The following CRB1 variants were observed in gnomAD, a reference collection of about 807,000 sequenced individuals.
CRB1 encodes the protein crumbs cell polarity complex component 1, also known as protein crumbs homolog 1.
In CRB1, 83 loss-of-function variants were observed where a neutral mutation model predicts 120.0. The observed-to-expected ratio is 0.69, with a 90% confidence interval of 0.58 to 0.83. The LOEUF (loss-of-function observed/expected upper bound fraction) is 0.83, where lower values mean the gene tolerates loss of function less well. CRB1 is among the 40% of genes least tolerant of loss of function. The pLI is 0.00. For synonymous variants in CRB1, 625 were observed against 612.5 expected, an observed-to-expected ratio of 1.02 and a Z score of -0.30; for missense variants, 1,699 against 1,687.6, an observed-to-expected ratio of 1.01 and a Z score of -0.12.
chr1:197,399,296 C>T (rs1482021631), intron 5 of CRB1, among the ~76,000 whole-genome samples: 1 of 152,122 alleles, frequency 6.6e-6, no homozygotes, highest in African/African-American at 2.4e-5. Context: ...GTCATTTTCC[C>T]ACAAAAGATT....
intron 5 of CRB1, among the ~76,000 whole-genome samples, chr1:197,416,706 T>C (rs934286879): frequency 2.6e-5 from 4 of 152,128 alleles, no homozygotes; most frequent in African/African-American, 9.7e-5. Context: ...TTTTTTATTT[T>C]ATTTTATTTA....
At chr1:197,373,624 T>A (rs1240717064) in intron 5 of CRB1, among the ~76,000 whole-genome samples, 1 of 152,170 alleles carries the variant, frequency 6.6e-6, no homozygotes, top group Non-Finnish European at 1.5e-5. Context: ...ACAGCCTTAA[T>A]AAACTGTTTT....
chr1:197,268,605 GTTTTT>G lies in CRB1; in HGVS notation c.70+129_70+133del. On this transcript the variant is annotated intron_variant, in intron 1 of 11. Coordinates refer to ENST00000367400, the MANE Select transcript of CRB1 (RefSeq NM_201253.3). ...ATGCTAAAAAAGGAAGTTTTTATTT[GTTTTT>G]TTTTTAAGTGTCCTGTGTTAAAGAA... The G allele has an allele frequency of 6.0e-6, 4 of 666,104 alleles. No homozygotes were observed. In the South Asian group the frequency reaches 8.0e-5, roughly 13 times the overall value. The allele number at this position is 666,104 out of a possible 1,614,324, so 41.3% of individuals were successfully genotyped here.
At chr1:197,244,579 A>G in the CRB1 span, among the ~76,000 whole-genome samples, 1 of 151,862 alleles carries the variant, frequency 6.6e-6, no homozygotes, top group Non-Finnish European at 1.5e-5. Flanking sequence ...CCTTTCATTG[A>G]TTTCAAGATT....
chr1:197,446,892 T>C (rs1351571831), intron 11 of CRB1, among the ~76,000 whole-genome samples: 1 of 152,206 alleles, frequency 6.6e-6, no homozygotes, highest in African/African-American at 2.4e-5. Context: ...TATTAATCAG[T>C]GTGCATATTC....
intron 1 of CRB1, among the ~76,000 whole-genome samples, chr1:197,312,993 G>C (rs1416273861): frequency 6.6e-6 from 1 of 152,086 alleles, no homozygotes; most frequent in Non-Finnish European, 1.5e-5. Context: ...CCTGAGACTG[G>C]GTAACTTATG....
chr1:197,392,264 T>TAC (rs368565238), intron 5 of CRB1, among the ~76,000 whole-genome samples: 37 of 151,328 alleles, frequency 2.4e-4, no homozygotes, highest in African/African-American at 8.0e-4. Flanking sequence ...CACACACACA[T>TAC]ACACACACAC....
At chr1:197,208,541 G>A in the CRB1 span, among the ~76,000 whole-genome samples, 234 of 152,276 alleles carry the variant, frequency 1.5e-3, 2 homozygotes, top group African/African-American at 4.9e-3. Context: ...AAGTGTCTGC[G>A]CAGAGTCCTG....
At chr1:197,232,545 C>T in the CRB1 span, among the ~76,000 whole-genome samples, 1 of 152,152 alleles carries the variant, frequency 6.6e-6, no homozygotes, top group African/African-American at 2.4e-5. Context: ...AGGCAGCCAA[C>T]ACAGATACTA....
intron 1 of CRB1, among the ~76,000 whole-genome samples, chr1:197,294,366 A>G (rs535621364): frequency 5.3e-5 from 8 of 152,204 alleles, no homozygotes; most frequent in African/African-American, 1.4e-4. Flanking sequence ...CCATAATGAG[A>G]TACCATCTCA....
chr1:197,266,329 A>T (rs1021267331), upstream of CRB1, among the ~76,000 whole-genome samples: 1 of 152,034 alleles, frequency 6.6e-6, no homozygotes, highest in Non-Finnish European at 1.5e-5. Context: ...GGTTCCTTCT[A>T]TGTGTCCTCA....
chr1:197,335,686 G>C (rs1571860007), intron 2 of CRB1, among the ~76,000 whole-genome samples: 1 of 152,078 alleles, frequency 6.6e-6, no homozygotes, highest in East Asian at 1.9e-4. Context: ...TTTTAGTAGA[G>C]ATGGCATTTC....
rs146288091 is a variant in CRB1, at chr1:197,363,058, G to T, written c.1171+6045G>T. ...TGTAATTTTCATAGTGATTGCTCTG[G>T]GTATGACTGATCACAGCCTATTGGT... is the stretch of plus-strand genomic sequence containing the variant. On this transcript the variant is annotated intron_variant, in intron 5 of 11. Coordinates refer to ENST00000367400, the MANE Select transcript of CRB1 (RefSeq NM_201253.3). Among the ~76,000 whole-genome samples, 21 of 150,714 alleles carry T rather than the reference G, an allele frequency of 1.4e-4. No homozygotes were observed. The East Asian group carries it at 4.1e-3, about 29-fold the overall frequency.
chr1:197,265,450 C>T (rs114926596), upstream of CRB1, among the ~76,000 whole-genome samples: 1,155 of 151,712 alleles, frequency 7.6e-3, 12 homozygotes, highest in African/African-American at 0.024. Context: ...TCCTCTTTCT[C>T]TCTCTGTCTT....
At chr1:197,334,459 A>C (rs1659036608) in intron 2 of CRB1, among the ~76,000 whole-genome samples, 1 of 152,156 alleles carries the variant, frequency 6.6e-6, no homozygotes, top group Admixed American at 6.5e-5. Context: ...ACCTTCAGGA[A>C]TGGATTAATA....
chr1:197,390,612 T>C (rs1186322312), intron 5 of CRB1, among the ~76,000 whole-genome samples: 1 of 152,144 alleles, frequency 6.6e-6, no homozygotes, highest in Non-Finnish European at 1.5e-5. Flanking sequence ...GTTCCCTTCA[T>C]TGTGCATAAC....
the CRB1 span, among the ~76,000 whole-genome samples, chr1:197,250,813 G>A: frequency 2.6e-5 from 4 of 152,098 alleles, no homozygotes; most frequent in South Asian, 2.1e-4. Flanking sequence ...ACCTCAGTCA[G>A]AAGAAGCCCT....
intron 2 of CRB1, among the ~76,000 whole-genome samples, chr1:197,329,893 C>CCTT (rs1482170307): frequency 3.9e-5 from 6 of 152,170 alleles, no homozygotes; most frequent in African/African-American, 1.2e-4. Context: ...CCATGTTCTC[C>CCTT]CTTAGCACTT....
the CRB1 span, among the ~76,000 whole-genome samples, chr1:197,235,329 A>G: frequency 4.6e-5 from 7 of 152,148 alleles, no homozygotes. Context: ...TGCTCCTGCT[A>G]AGAGATAGCA....
Sources: allele counts gnomAD v4.1 joint callset (sites outside exome capture counted in the v4.1 genomes callset), GRCh38; gene constraint gnomAD v4.1.1; transcripts MANE v1.5; gene names NCBI Gene and HGNC (gene_info 2026-07-23, HGNC 2026-07-21).